ODAD3: variants seen among roughly 807,000 people sequenced by gnomAD.
ODAD3 encodes the protein outer dynein arm docking complex subunit 3.
A neutral mutation model predicts 70.9 loss-of-function variants in ODAD3; 57 were observed. The ratio of observed to expected loss-of-function variants is 0.80; its 90% CI spans 0.65 to 1.00. The LOEUF (loss-of-function observed/expected upper bound fraction) is 1.00, where lower values mean the gene tolerates loss of function less well. Among genes scored for constraint, ODAD3 ranks in the 50% least tolerant of loss-of-function variants. The pLI is 0.00. For missense variants in ODAD3, 797 were observed against 763.9 expected (o/e 1.04, Z -0.51); for synonymous variants, 327 against 315.9 (o/e 1.04, Z -0.37).
intron 3 of ODAD3, 75 bp from the exon 4 acceptor site, chr19:11,427,115 C>A: frequency 1.4e-6 from 2 of 1,430,468 alleles, no homozygotes; most frequent in East Asian, 2.5e-5. Flanking sequence ...TCCTCCCTTC[C>A]TTCTCCCACA....
In ODAD3 at chr19:11,422,379, C is replaced by A. The variant is rs1568346715; in HGVS notation, c.1434+92G>T. 4 of 1,420,742 alleles carry A rather than the reference C, an allele frequency of 2.8e-6. No homozygotes were observed. In the African/African-American group the frequency reaches 5.8e-5, roughly 20 times the overall value. 88.0% of individuals were successfully genotyped at this position (1,420,742 alleles called of 1,614,324 possible). A position where few individuals can be genotyped will look rare whatever the true frequency, so the allele number is the denominator to read the frequency against. On this transcript the variant is annotated intron_variant, in intron 10 of 12. Transcript: ENST00000356392. This position sits in a 1 kb window ranked among gnomAD's most constrained non-coding sequence, Gnocchi z 4.6. ...GAGGATGTGGCAGGCCACGTTCCCT[C>A]GGGCAAGCTGGTGTGGCAGGAACCC...
At position 11,422,782 on chromosome 19, in the gene ODAD3, A is replaced by G; in HGVS notation, c.1196T>C (p.Leu399Ser). ...TTGCTTCTCCTGCTTCAGCCTCACC[A>G]ACGTCTGCTCGTTCTCGCTCTTGAG... ...ETLKSENEQT[L>S]VRLKQEKQQL... Residue 399 changes from leucine to serine, a missense_variant, in exon 9 of 13, where the codon TTG becomes TCG. Coordinates refer to ENST00000356392, the MANE Select transcript of ODAD3 (RefSeq NM_145045.5). This position sits in a 1 kb window ranked among gnomAD's most constrained non-coding sequence, Gnocchi z 4.6. The G allele has an allele frequency of 6.2e-7, 1 of 1,611,266 alleles. No individual in the cohort carries two copies. The highest frequency in any genetic ancestry group is 8.5e-7 in the Non-Finnish European group (1 of 1,179,868).
At chr19:11,434,231 C>CAAAAA (rs200735465) in intron 1 of ODAD3, among the ~76,000 whole-genome samples, 1 of 137,580 alleles carries the variant, frequency 7.3e-6, no homozygotes, top group Non-Finnish European at 1.5e-5. Context: ...AAAAACAAAA[C>CAAAAA]AAAAAAAAAC....
chr19:11,428,873 A>ATTTG (rs1969444280), intron 3 of ODAD3, among the ~76,000 whole-genome samples: 1 of 147,986 alleles, frequency 6.8e-6, no homozygotes, highest in South Asian at 2.1e-4. Flanking sequence ...TTATTTATTT[A>ATTTG]TTTATTTATT....
At chr19:11,425,401 GTA>G (rs1165536178) in intron 7 of ODAD3, among the ~76,000 whole-genome samples, 1 of 135,110 alleles carries the variant, frequency 7.4e-6, no homozygotes, top group Admixed American at 7.2e-5. Flanking sequence ...ATGTGTATAT[GTA>G]TATATACATA....
Position 11,422,757 on chromosome 19 carries a change from T to C in ODAD3, c.1221A>G (p.Gln407=). The stretch of plus-strand genomic sequence containing the variant: ...GGTCTTCCAGCTCCCGCTGCAGTTG[T>C]TGCTTCTCCTGCTTCAGCCTCACCA... ...QTLVRLKQEK[Q]QLQRELEDLK... Residue 407 remains glutamine (Q), a synonymous_variant, in exon 9 of 13, where the codon CAA becomes CAG. Coordinates refer to ENST00000356392, the MANE Select transcript of ODAD3 (RefSeq NM_145045.5). This position sits in a 1 kb window ranked among gnomAD's most constrained non-coding sequence, Gnocchi z 4.6. 1 of 1,612,442 alleles carries C rather than the reference T, an allele frequency of 6.2e-7. No individual in the cohort carries two copies. The highest frequency in any genetic ancestry group is 8.5e-7 in the Non-Finnish European group (1 of 1,179,908).
intron 3 of ODAD3, among the ~76,000 whole-genome samples, chr19:11,427,300 G>GTT (rs775694846): frequency 3.5e-5 from 5 of 141,722 alleles, no homozygotes; most frequent in Admixed American, 7.1e-5. Context: ...TCTTTCTTTC[G>GTT]TTTTTTTTTT....
chr19:11,425,145 A>G lies in ODAD3; in HGVS notation c.963+999T>C, dbSNP rs1377409168. Among the ~76,000 whole-genome samples, 8 of 126,396 alleles carry G rather than the reference A, an allele frequency of 6.3e-5. 1 individual carries two copies. Among genetic ancestry groups the G allele is most frequent in the East Asian group, 2.3e-4 (1 of 4,328 alleles). 82.9% of individuals were successfully genotyped at this position (126,396 alleles called of 152,430 possible). ...TACATATGTGTATATGTGTATATGT[A>G]CATATGTATATATACATATGTGTAT... On this transcript the variant is annotated intron_variant, in intron 7 of 12. Coordinates refer to ENST00000356392, the MANE Select transcript of ODAD3 (RefSeq NM_145045.5).
intron 1 of ODAD3, among the ~76,000 whole-genome samples, chr19:11,431,716 C>T (rs1318574092): frequency 6.7e-6 from 1 of 150,352 alleles, no homozygotes; most frequent in African/African-American, 2.5e-5. Flanking sequence ...GAGCGGATCA[C>T]GAGGTCAGGA....
Position 11,422,542 on chromosome 19 carries a change from C to G in ODAD3, c.1363G>C (p.Ala455Pro). The G allele has an allele frequency of 6.3e-7, 1 of 1,591,094 alleles. No individual in the cohort carries two copies. The highest frequency in any genetic ancestry group is 8.5e-7 in the Non-Finnish European group (1 of 1,170,574). The change falls in exon 10 of 13, where the codon GCC becomes CCC. Residue 455 changes from alanine to proline, a missense_variant. Physicochemically the swap from Ala to Pro is conservative, Grantham distance 27. Transcript: ENST00000356392. This position sits in a 1 kb window ranked among gnomAD's most constrained non-coding sequence, Gnocchi z 4.6. ...HAEAKDQLERALRAMQVAKDS... is the reference protein window; with the variant it reads ...HAEAKDQLERPLRAMQVAKDS... Reference sequence around the variant, plus strand: ...TTGGCCACTTGCATCGCCCGCAAGGCGCGCTCCAGCTGGTCCTTGGCCTCG... The same window carrying G: ...TTGGCCACTTGCATCGCCCGCAAGGGGCGCTCCAGCTGGTCCTTGGCCTCG...
intron 3 of ODAD3, among the ~76,000 whole-genome samples, chr19:11,427,512 C>T (rs146653610): frequency 7.0e-6 from 1 of 142,898 alleles, no homozygotes; most frequent in Admixed American, 7.1e-5. Flanking sequence ...AACGGAGTCT[C>T]GCTCTGTCGC....
chr19:11,433,621 T>A (rs1969550606), intron 1 of ODAD3, among the ~76,000 whole-genome samples: 1 of 152,140 alleles, frequency 6.6e-6, no homozygotes, highest in Non-Finnish European at 1.5e-5. Flanking sequence ...ACCCAGAAAA[T>A]CTGGCTCTAA....
rs1555721837 is a variant in ODAD3 at position 11,423,933 on chromosome 19, G to A, written c.1060C>T (p.Gln354Ter). ...EELRQRWSMY[Q>*]MEVIFGKVKD... ...ACCTTGCCAAAGATCACCTCCATCT[G>A]GTACATGCTCCAGCGCTGCCGCAGC... Residue 354 changes from glutamine (Q) to a stop codon, truncating the protein, a stop_gained, in exon 8 of 13, where the codon CAG (glutamine) becomes TAG (stop). Transcript: ENST00000356392. LOFTEE classifies it high-confidence loss of function. 1.2e-6 allele frequency: 2 copies of A among 1,613,430 alleles called. No homozygotes were observed.
rs1457805710 is a variant in ODAD3 at position 11,420,742 on chromosome 19, G to C, written c.*93C>G. On this transcript the variant is annotated 3_prime_UTR_variant, in exon 13 of 13. Transcript: ENST00000356392. ...CGCCTCCGTTCCCGGTCCGGGCCGC[G>C]TTCAGCCCCTGAAGGGGCCCCGTGG... 1 of 1,136,640 alleles carries C rather than the reference G, an allele frequency of 8.8e-7. No homozygotes were observed. The highest frequency in any genetic ancestry group is 1.3e-6 in the Non-Finnish European group (1 of 767,664). The allele number at this position is 1,136,640 out of a possible 1,614,324, so 70.4% of individuals were successfully genotyped here.
rs1271399697 is a variant in ODAD3 at position 11,424,614 on chromosome 19, TAC to T, written c.964-587_964-586del. Among the ~76,000 whole-genome samples, 4 of 131,710 alleles carry T rather than the reference TAC, an allele frequency of 3.0e-5. 1 individual carries two copies. Among genetic ancestry groups the T allele is most frequent in the Non-Finnish European group, 6.1e-5 (4 of 65,956 alleles). 86.4% of individuals were successfully genotyped at this position (131,710 alleles called of 152,430 possible). The stretch of plus-strand genomic sequence containing the variant: ...GTGTATAAATATATATGTGTATATA[TAC>T]CTATGTGTATATATGTATATATGTG... On this transcript the variant is annotated intron_variant, in intron 7 of 12. Transcript: ENST00000356392.
intron 11 of ODAD3, 117 bp downstream of exon 11, chr19:11,421,560 C>T: frequency 7.5e-7 from 1 of 1,340,020 alleles, no homozygotes; most frequent in Non-Finnish European, 1.0e-6. Context: ...TCCCCGAGAC[C>T]CCTTCCTGGC....
In ODAD3 at chr19:11,434,859, G is replaced by A. The variant is rs1568356720; in HGVS notation, c.158C>T (p.Ser53Phe). ...GTAQAWTPGR[S>F]KGGSFHRGAG... Reference sequence around the variant, plus strand: ...ACCTCTGTGGAAGGATCCTCCCTTGGAACGGCCTGGGGTCCACGCCTGGGC... The same window carrying A: ...ACCTCTGTGGAAGGATCCTCCCTTGAAACGGCCTGGGGTCCACGCCTGGGC... The change falls in exon 1 of 13, where the codon TCC (serine) becomes TTC (phenylalanine). Residue 53 changes from serine to phenylalanine, a missense_variant. Physicochemically the swap from Ser to Phe is radical, Grantham distance 155 (BLOSUM62 -2). Transcript: ENST00000356392. The A allele has an allele frequency of 1.2e-6, 2 of 1,614,192 alleles. No homozygotes were observed. Among genetic ancestry groups the A allele is most frequent in the Non-Finnish European group, 8.5e-7 (1 of 1,180,038 alleles).
intron 3 of ODAD3, among the ~76,000 whole-genome samples, chr19:11,430,258 C>T (rs1969475271): frequency 6.6e-6 from 1 of 152,110 alleles, no homozygotes; most frequent in African/African-American, 2.4e-5. Flanking sequence ...CTGCCTCAGC[C>T]TCCCGAGTAG....
chr19:11,427,866 C>A (rs1243178069), intron 3 of ODAD3, among the ~76,000 whole-genome samples: 1 of 151,584 alleles, frequency 6.6e-6, no homozygotes, highest in African/African-American at 2.4e-5. Flanking sequence ...TTTGGGAGGC[C>A]AAGGCGGGTG....
Sources: allele counts gnomAD v4.1 joint callset (sites outside exome capture counted in the v4.1 genomes callset), GRCh38; gene constraint gnomAD v4.1.1; non-coding constraint Gnocchi (gnomAD v3.1); transcripts MANE v1.5; gene names NCBI Gene and HGNC (gene_info 2026-07-23, HGNC 2026-07-21).